SLC4A7: variants seen among roughly 807,000 people sequenced by gnomAD.
The protein encoded by SLC4A7 is sodium bicarbonate cotransporter 3.
SLC4A7 carries 51 observed loss-of-function variants against 137.6 expected under a neutral mutation model. The ratio of observed to expected loss-of-function variants is 0.37; its 90% confidence interval spans 0.30 to 0.47. The LOEUF is 0.47. Among genes scored for constraint, SLC4A7 ranks in the 20% least tolerant of loss-of-function variants. The pLI is 1.00. For missense variants in SLC4A7, 1,247 were observed against 1,525.4 expected (o/e 0.82, Z 3.04); for synonymous variants, 542 against 518.6 (o/e 1.05, Z -0.61).
intron 16 of SLC4A7, among the ~76,000 whole-genome samples, chr3:27,400,043 T>A (rs1416804627): frequency 6.6e-6 from 1 of 152,202 alleles, no homozygotes; most frequent in East Asian, 1.9e-4. Flanking sequence ...CTACAGTTAC[T>A]TATATGATAT....
intron 1 of SLC4A7, chr3:27,457,070 A>C (rs1160391297): frequency 9.1e-6 from 3 of 331,184 alleles, no homozygotes; most frequent in Non-Finnish European, 1.3e-5. Context: ...ACCAAAAAAC[A>C]AAGTATTAAT....
chr3:27,420,844 G>T, intron 9 of SLC4A7, 57 bp from the exon 10 acceptor site: 1 of 1,161,392 alleles, frequency 8.6e-7, no homozygotes, highest in South Asian at 1.3e-5. Flanking sequence ...CACAAAGCTA[G>T]GCAATCATAA....
chr3:27,483,752 G>A (rs968366558), intron 1 of SLC4A7, among the ~76,000 whole-genome samples: 5 of 152,090 alleles, frequency 3.3e-5, no homozygotes, highest in African/African-American at 1.2e-4. Context: ...CTGAGGGAAG[G>A]GATGGATGGT....
At chr3:27,410,625 A>T (rs1055241847) in intron 12 of SLC4A7, among the ~76,000 whole-genome samples, 1 of 152,214 alleles carries the variant, frequency 6.6e-6, no homozygotes, top group Non-Finnish European at 1.5e-5. Flanking sequence ...CATCAAATTG[A>T]TAATTACTTA....
At chr3:27,481,163 GACA>G (rs963381487) in intron 1 of SLC4A7, among the ~76,000 whole-genome samples, 2 of 152,138 alleles carry the variant, frequency 1.3e-5, no homozygotes, top group Non-Finnish European at 2.9e-5. Flanking sequence ...AAATAAGACT[GACA>G]ACAACAACAA....
chr3:27,417,403 TG>T (rs2150265515), intron 11 of SLC4A7, among the ~76,000 whole-genome samples: 2 of 152,224 alleles, frequency 1.3e-5, no homozygotes, highest in African/African-American at 4.8e-5. Flanking sequence ...GGTGGGGCAA[TG>T]AACAAAAGAT....
chr3:27,440,969 C>T (rs1401921071), intron 3 of SLC4A7, among the ~76,000 whole-genome samples: 2 of 152,020 alleles, frequency 1.3e-5, no homozygotes, highest in South Asian at 2.1e-4. Context: ...CGCTTGAACC[C>T]AGGACGCAGA....
At chr3:27,466,494 A>G (rs1576635722) in intron 1 of SLC4A7, among the ~76,000 whole-genome samples, 1 of 102,378 alleles carries the variant, frequency 9.8e-6, no homozygotes. Context: ...AAGGTGCACA[A>G]TTTTAATTAT....
At chr3:27,377,957 G>GC (rs1368348445) in intron 25 of SLC4A7, among the ~76,000 whole-genome samples, 3 of 152,162 alleles carry the variant, frequency 2.0e-5, no homozygotes. Context: ...AAAGGCAGAA[G>GC]CATAAAAGAT....
intron 14 of SLC4A7, 99 bp downstream of exon 14, chr3:27,404,731 T>G: frequency 1.0e-6 from 1 of 981,706 alleles, no homozygotes; most frequent in South Asian, 1.6e-5. Context: ...AATGCATATA[T>G]TGACCAAATT....
chr3:27,478,686 T>C (rs1312101496), intron 1 of SLC4A7, among the ~76,000 whole-genome samples: 1 of 151,880 alleles, frequency 6.6e-6, no homozygotes, highest in Non-Finnish European at 1.5e-5. Flanking sequence ...TCTGAAAATC[T>C]GCTTAAAACC....
At position 27,398,338 on chromosome 3, in the gene SLC4A7, G is replaced by A. The variant is rs142923476; in HGVS notation, c.2443C>T (p.Arg815Cys). The change falls in exon 17 of 26, where the codon CGT (arginine) becomes TGT (cysteine). Residue 815 changes from arginine to cysteine, a missense_variant. By Grantham distance (180) the Arg-to-Cys change is radical. This residue lies in a region of SLC4A7 where 499 missense variants were observed against 664.2 expected (regional missense o/e 0.75). Coordinates refer to ENST00000454389, the MANE Select transcript of SLC4A7 (RefSeq NM_001321103.2). Reference sequence around the variant, plus strand: ...CAAGCTGACCCCAAGAATACACCACGAAGTTTTTTACATTCCTGGAAAAAA... The same window carrying A: ...CAAGCTGACCCCAAGAATACACCACAAAGTTTTTTACATTCCTGGAAAAAA... ...NLTVSECKKL[R>C]GVFLGSACGH... 112 of 1,594,720 alleles carry A rather than the reference G, an allele frequency of 7.0e-5. No homozygotes were observed. The highest frequency in any genetic ancestry group is 8.4e-5 in the Non-Finnish European group (98 of 1,173,096).
At chr3:27,415,123 G>C (rs1022878665) in intron 11 of SLC4A7, among the ~76,000 whole-genome samples, 1 of 152,148 alleles carries the variant, frequency 6.6e-6, no homozygotes, top group Non-Finnish European at 1.5e-5. Flanking sequence ...CTAATCTAGA[G>C]ACTGAATTAG....
chr3:27,446,893 TG>T (rs61403947), intron 3 of SLC4A7, among the ~76,000 whole-genome samples: 47,129 of 87,658 alleles, frequency 0.54, 9,220 homozygotes, highest in East Asian at 0.78. Flanking sequence ...TTGTTTTTTT[TG>T]TTTTTTTTAA....
chr3:27,448,800 A>T lies in SLC4A7; in HGVS notation c.143-3T>A. 1 of 1,574,000 alleles carries T rather than the reference A, an allele frequency of 6.4e-7. No homozygotes were observed. The highest frequency in any genetic ancestry group is 8.6e-7 in the Non-Finnish European group (1 of 1,161,786). On this transcript the variant is annotated splice_polypyrimidine_tract_variant and splice_region_variant and intron_variant, in intron 2 of 25. Transcript: ENST00000454389. Reference sequence around the variant, plus strand: ...ACCAATATATACAGCTCTATGACCTATTAAAAGGTTCAGAAACATATTACT... The same window carrying T: ...ACCAATATATACAGCTCTATGACCTTTTAAAAGGTTCAGAAACATATTACT...
intron 24 of SLC4A7, among the ~76,000 whole-genome samples, chr3:27,382,290 A>G (rs1350120329): frequency 6.6e-6 from 1 of 151,712 alleles, no homozygotes; most frequent in Non-Finnish European, 1.5e-5. Context: ...TAATTTTTGT[A>G]TTTTTAGTAG....
intron 13 of SLC4A7, among the ~76,000 whole-genome samples, chr3:27,407,340 C>T (rs909505259): frequency 3.8e-4 from 58 of 151,726 alleles, no homozygotes; most frequent in African/African-American, 1.4e-3. Flanking sequence ...ATGAGCCCGC[C>T]GTGGTGGTGG....
intron 3 of SLC4A7, among the ~76,000 whole-genome samples, chr3:27,445,426 G>A (rs1380970055): frequency 6.6e-6 from 1 of 152,052 alleles, no homozygotes; most frequent in South Asian, 2.1e-4. Context: ...GGTCATCATA[G>A]GTATTCTCTC....
At chr3:27,448,900 C>T (rs528106290) in intron 2 of SLC4A7, 103 bp from the exon 3 acceptor site, 7 of 720,544 alleles carry the variant, frequency 9.7e-6, no homozygotes, top group African/African-American at 7.2e-5. Flanking sequence ...TATAAGTTCA[C>T]GTAATTAACA....
Sources: gnomAD v4.1 joint callset for allele counts (sites outside exome capture counted in the v4.1 genomes callset) on GRCh38, gnomAD v4.1.1 for gene constraint, gnomAD v4.1.1 regional missense constraint, MANE v1.5 for transcripts, NCBI Gene and HGNC (gene_info 2026-07-23, HGNC 2026-07-21) for gene names.